Variants in NALF1 observed in about 807,000 individuals in gnomAD.
NALF1 encodes the protein family with sequence similarity 155 member A.
A neutral mutation model predicts 48.4 loss-of-function variants in NALF1; 3 were observed. The observed-to-expected ratio is 0.06, with a 90% CI of 0.03 to 0.16. The LOEUF (loss-of-function observed/expected upper bound fraction) is 0.16, where lower values mean the gene tolerates loss of function less well. NALF1 is among the 10% of genes least tolerant of loss of function. The pLI is 1.00. For missense variants in NALF1, 526 were observed against 571.5 expected, an observed-to-expected ratio of 0.92 and a Z score of 0.81; for synonymous variants, 262 against 245.7, an observed-to-expected ratio of 1.07 and a Z score of -0.62.
chr13:107,609,055 G>A (rs4384482), intron 1 of NALF1, among the ~76,000 whole-genome samples: 15,152 of 152,100 alleles, frequency 0.1, 1,364 homozygotes, highest in African/African-American at 0.23. Context: ...GACACTTTGG[G>A]AGGAAAGAAG....
intron 1 of NALF1, among the ~76,000 whole-genome samples, chr13:107,677,678 C>T (rs544746803): frequency 6.6e-6 from 1 of 152,126 alleles, no homozygotes; most frequent in East Asian, 1.9e-4. Context: ...AAATGAAAGA[C>T]AAAAAACATA....
At chr13:107,838,173 G>A (rs1454140925) in intron 1 of NALF1, among the ~76,000 whole-genome samples, 1 of 151,898 alleles carries the variant, frequency 6.6e-6, no homozygotes, top group Admixed American at 6.6e-5. Flanking sequence ...TATACCATAG[G>A]CCCTCTGAAT....
At chr13:107,740,942 A>G (rs1254867563) in intron 1 of NALF1, among the ~76,000 whole-genome samples, 2 of 152,132 alleles carry the variant, frequency 1.3e-5, no homozygotes, top group African/African-American at 4.8e-5. Context: ...ACAACTGTAA[A>G]TATCATTAAA....
chr13:107,656,215 T>G (rs181317347), intron 1 of NALF1, among the ~76,000 whole-genome samples: 2 of 149,700 alleles, frequency 1.3e-5, no homozygotes, highest in African/African-American at 4.9e-5. Context: ...TCAGCAGAGT[T>G]AACAGGACCA....
At chr13:107,864,751 T>C (rs1318597093) in intron 1 of NALF1, among the ~76,000 whole-genome samples, 1 of 152,198 alleles carries the variant, frequency 6.6e-6, no homozygotes, top group South Asian at 2.1e-4. Context: ...CAGAGACGCT[T>C]CTATTAAAAC....
At chr13:107,585,676 C>T (rs1347288442) in intron 1 of NALF1, among the ~76,000 whole-genome samples, 1 of 152,124 alleles carries the variant, frequency 6.6e-6, no homozygotes, top group East Asian at 1.9e-4. Flanking sequence ...CTTGCTGGGG[C>T]CTCATAACCC....
At chr13:107,365,386 G>A (rs1177547953) in intron 1 of NALF1, among the ~76,000 whole-genome samples, 1 of 152,042 alleles carries the variant, frequency 6.6e-6, no homozygotes, top group Non-Finnish European at 1.5e-5. Flanking sequence ...TCTCTCCAGT[G>A]TACTTTTCCT....
At chr13:107,811,262 C>T (rs547760494) in intron 1 of NALF1, among the ~76,000 whole-genome samples, 2 of 152,250 alleles carry the variant, frequency 1.3e-5, no homozygotes, top group African/African-American at 4.8e-5. Context: ...CTTGTTTTTA[C>T]TTGTGCTGTT....
chr13:107,845,231 C>T (rs567546046), intron 1 of NALF1, among the ~76,000 whole-genome samples: 140 of 152,136 alleles, frequency 9.2e-4, no homozygotes, highest in Non-Finnish European at 1.6e-3. Context: ...TGAAAGATTG[C>T]TAATTCCATT....
intron 1 of NALF1, among the ~76,000 whole-genome samples, chr13:107,224,408 T>C (rs899256352): frequency 6.7e-6 from 1 of 149,566 alleles, no homozygotes; most frequent in African/African-American, 2.4e-5. Context: ...ACCTCCATTT[T>C]TGAATTATGT....
intron 1 of NALF1, among the ~76,000 whole-genome samples, chr13:107,578,603 C>T (rs1443438694): frequency 6.6e-6 from 1 of 152,104 alleles, no homozygotes; most frequent in African/African-American, 2.4e-5. Flanking sequence ...TGATGCTTTC[C>T]ATAAATGAAA....
rs1369223192 is a variant in NALF1 at position 107,559,318 on chromosome 13, C to T, written c.915+306364G>A. On this transcript the variant is annotated intron_variant, in intron 1 of 2. Coordinates refer to ENST00000375915, the MANE Select transcript of NALF1 (RefSeq NM_001080396.3). ...TTTCATTGCTCGCTTATGTATTTTG[C>T]CTCATGACAATAACAACAACAAAAC... 2.0e-5 allele frequency among the ~76,000 whole-genome samples: 3 copies of T among 151,936 alleles called. No homozygotes were observed. In the South Asian group the frequency reaches 6.2e-4, roughly 32 times the overall value.
At chr13:107,586,139 A>G (rs1878449806) in intron 1 of NALF1, among the ~76,000 whole-genome samples, 1 of 152,114 alleles carries the variant, frequency 6.6e-6, no homozygotes, top group South Asian at 2.1e-4. Context: ...TTCATGGCCC[A>G]GGTACCTCAT....
chr13:107,454,997 A>C (rs1416287567), intron 1 of NALF1, among the ~76,000 whole-genome samples: 1 of 152,194 alleles, frequency 6.6e-6, no homozygotes, highest in Non-Finnish European at 1.5e-5. Context: ...TCAAACATTA[A>C]TTCCCATGTG....
At chr13:107,824,317 G>C (rs189567636) in intron 1 of NALF1, among the ~76,000 whole-genome samples, 1 of 152,064 alleles carries the variant, frequency 6.6e-6, no homozygotes, top group Non-Finnish European at 1.5e-5. Context: ...TTTGACTCTA[G>C]TGCCTAACAT....
At chr13:107,415,379 G>T (rs200130667) in intron 1 of NALF1, among the ~76,000 whole-genome samples, 22 of 137,240 alleles carry the variant, frequency 1.6e-4, no homozygotes, top group East Asian at 4.3e-4. Flanking sequence ...TAAGGAGAGA[G>T]TTTTTTTTTT....
At chr13:107,200,822 A>C (rs1879496890) in intron 2 of NALF1, among the ~76,000 whole-genome samples, 1 of 152,154 alleles carries the variant, frequency 6.6e-6, no homozygotes, top group African/African-American at 2.4e-5. Context: ...TGCACACTTT[A>C]TTTCAATATT....
chr13:107,271,774 C>CTATATA (rs397838456), intron 1 of NALF1, among the ~76,000 whole-genome samples: 25 of 27,554 alleles, frequency 9.1e-4, no homozygotes, highest in South Asian at 4.0e-3. Context: ...TGCTACTGGA[C>CTATATA]TATATATATA....
chr13:107,388,600 A>G (rs1883569070), intron 1 of NALF1, among the ~76,000 whole-genome samples: 1 of 152,222 alleles, frequency 6.6e-6, no homozygotes. Context: ...TTTACAAACT[A>G]AAGAAAAAAT....
Sources: gnomAD v4.1 joint callset for allele counts (sites outside exome capture counted in the v4.1 genomes callset) on GRCh38, gnomAD v4.1.1 for gene constraint, MANE v1.5 for transcripts, NCBI Gene and HGNC (gene_info 2026-07-23, HGNC 2026-07-21) for gene names.